Variants in RPA3 observed in about 807,000 individuals in gnomAD.
RPA3 encodes replication protein A 14 kDa subunit.
In RPA3, 24 loss-of-function variants were observed where a neutral mutation model predicts 13.7. That is an observed-to-expected ratio of 1.75 (90% confidence interval 1.27 to 2.46). The LOEUF is 2.46. RPA3 is among the 30% of genes most tolerant of loss of function. RPA3 has a pLI of 0.00. For missense variants in RPA3, 183 were observed against 151.0 expected (o/e 1.21, Z -1.11); for synonymous variants, 59 against 51.2 (o/e 1.15, Z -0.65).
At chr7:7,655,577 A>C (rs1396704017) in intron 4 of RPA3, among the ~76,000 whole-genome samples, 3 of 152,168 alleles carry the variant, frequency 2.0e-5, no homozygotes. Flanking sequence ...GTTTTGGCTA[A>C]AAGTAATAAC....
At chr7:7,666,476 G>A (rs968531499) in intron 4 of RPA3, among the ~76,000 whole-genome samples, 8 of 151,998 alleles carry the variant, frequency 5.3e-5, no homozygotes, top group Admixed American at 4.6e-4. Context: ...CCAAAGTACT[G>A]GAATTACAGA....
intron 4 of RPA3, among the ~76,000 whole-genome samples, chr7:7,649,132 C>T (rs1246024527): frequency 2.3e-5 from 3 of 129,820 alleles, no homozygotes; most frequent in Non-Finnish European, 4.6e-5. Flanking sequence ...CACTCCAGCC[C>T]GTGCGACAAG....
chr7:7,678,606 GATAA>G (rs1166575942), intron 4 of RPA3, among the ~76,000 whole-genome samples: 6 of 127,648 alleles, frequency 4.7e-5, no homozygotes, highest in Admixed American at 8.3e-5. Context: ...TTAATTTATA[GATAA>G]ATATATATTT....
chr7:7,698,482 C>T (rs1780370613), intron 2 of RPA3, among the ~76,000 whole-genome samples: 2 of 152,190 alleles, frequency 1.3e-5, no homozygotes, highest in South Asian at 4.1e-4. Context: ...AGAACCAGAT[C>T]CACCTGATTT....
chr7:7,694,001 CTTTGT>C (rs1780242892), intron 2 of RPA3, among the ~76,000 whole-genome samples: 1 of 152,028 alleles, frequency 6.6e-6, no homozygotes, highest in Admixed American at 6.6e-5. Context: ...AATACTAATG[CTTTGT>C]TGATATAAGG....
intron 4 of RPA3, among the ~76,000 whole-genome samples, chr7:7,682,854 A>G (rs953469505): frequency 3.3e-5 from 5 of 152,220 alleles, no homozygotes; most frequent in Admixed American, 2.0e-4. Flanking sequence ...AACTAACTTC[A>G]TGATGTAGAT....
intron 4 of RPA3, chr7:7,673,398 G>C: frequency 1.7e-6 from 2 of 1,173,558 alleles, no homozygotes; most frequent in Non-Finnish European, 1.2e-6. Context: ...GAAAGCCTCC[G>C]GAATCTAAAA....
In RPA3 at chr7:7,710,387, C is replaced by T. The variant is rs1387917873; in HGVS notation, c.-1028+4788G>A. ...AAACAAAAAACAAAAAAACATAAAA[C>T]CAAATTAGAAAATGGGCAAAAGACA... On this transcript the variant is annotated intron_variant, in intron 2 of 7. Transcript: ENST00000223129. 2.0e-5 allele frequency among the ~76,000 whole-genome samples: 3 copies of T among 152,008 alleles called. No individual in the cohort carries two copies. The East Asian group carries it at 5.8e-4, about 29-fold the overall frequency.
At chr7:7,650,005 A>C (rs982605976) in intron 4 of RPA3, among the ~76,000 whole-genome samples, 1 of 152,218 alleles carries the variant, frequency 6.6e-6, no homozygotes. Flanking sequence ...GTGAGAAGTA[A>C]ATTTCTGTTT....
At chr7:7,653,777 T>C (rs28992775) in intron 4 of RPA3, among the ~76,000 whole-genome samples, 116 of 152,270 alleles carry the variant, frequency 7.6e-4, no homozygotes, top group African/African-American at 2.6e-3. Flanking sequence ...CCAGGGGCGG[T>C]TTTGTCCCCT....
chr7:7,684,787 G>T (rs1423436602), intron 4 of RPA3, among the ~76,000 whole-genome samples: 1 of 152,142 alleles, frequency 6.6e-6, no homozygotes, highest in African/African-American at 2.4e-5. Context: ...AACATCTGAG[G>T]TACCTTTTAA....
intron 4 of RPA3, among the ~76,000 whole-genome samples, chr7:7,646,883 G>C (rs10254398): frequency 0.26 from 39,150 of 151,902 alleles, 5,277 homozygotes; most frequent in Admixed American, 0.31. Context: ...CACAGAATAG[G>C]GGTGACATAT....
chr7:7,667,303 T>A (rs925478027), intron 4 of RPA3, among the ~76,000 whole-genome samples: 2 of 152,134 alleles, frequency 1.3e-5, no homozygotes, highest in Non-Finnish European at 2.9e-5. Context: ...TTGAAAAAAA[T>A]ACTGAAAACT....
In RPA3 at chr7:7,640,319, C is replaced by T; in HGVS notation, c.99+1G>A. On this transcript the variant is annotated splice_donor_variant, in intron 5 of 7. Coordinates refer to ENST00000223129, the MANE Select transcript of RPA3 (RefSeq NM_002947.5). LOFTEE classifies it high-confidence loss of function. ...GAGCCCATGATTGCGAACCCGCACA[C>T]CTTTTCCAGCCTCCCTACGAAGCAG... The T allele has an allele frequency of 3.1e-6, 5 of 1,614,006 alleles. No individual in the cohort carries two copies. Among genetic ancestry groups the T allele is most frequent in the Non-Finnish European group, 4.2e-6 (5 of 1,179,934 alleles).
At chr7:7,658,951 G>C (rs1318315074) in intron 4 of RPA3, among the ~76,000 whole-genome samples, 1 of 151,954 alleles carries the variant, frequency 6.6e-6, no homozygotes, top group African/African-American at 2.4e-5. Flanking sequence ...TTTTTTGGTT[G>C]GTAGGCTATT....
At chr7:7,679,736 A>ACG (rs1267951305) in intron 4 of RPA3, among the ~76,000 whole-genome samples, 4 of 146,486 alleles carry the variant, frequency 2.7e-5, no homozygotes, top group Non-Finnish European at 6.0e-5. Flanking sequence ...ATATATACAC[A>ACG]CACACATATT....
intron 4 of RPA3, among the ~76,000 whole-genome samples, chr7:7,642,654 G>A (rs931076768): frequency 2.0e-5 from 3 of 152,264 alleles, no homozygotes; most frequent in South Asian, 4.1e-4. Context: ...AATACATGAT[G>A]TACAGAAAAA....
At chr7:7,684,689 C>A (rs28915971) in intron 4 of RPA3, among the ~76,000 whole-genome samples, 5 of 152,218 alleles carry the variant, frequency 3.3e-5, no homozygotes, top group Admixed American at 3.3e-4. Context: ...TCCAACTGAT[C>A]TATGACTCTT....
intron 1 of RPA3, among the ~76,000 whole-genome samples, chr7:7,717,165 T>C (rs1312530753): frequency 6.6e-6 from 1 of 151,606 alleles, no homozygotes; most frequent in Non-Finnish European, 1.5e-5. Flanking sequence ...CAAGCGATTC[T>C]CTCACCTCTG....
Sources: allele counts gnomAD v4.1 joint callset (sites outside exome capture counted in the v4.1 genomes callset), GRCh38; gene constraint gnomAD v4.1.1; transcripts MANE v1.5; gene names NCBI Gene and HGNC (gene_info 2026-07-23, HGNC 2026-07-21).